KLRG1: variants seen among roughly 807,000 people sequenced by gnomAD.
KLRG1 encodes the protein killer cell lectin like receptor G1.
KLRG1 carries 16 observed loss-of-function variants against 21.8 expected under a neutral mutation model. The ratio of observed to expected loss-of-function variants is 0.73; its 90% confidence interval spans 0.50 to 1.11. The LOEUF (loss-of-function observed/expected upper bound fraction) is 1.11, where lower values mean the gene tolerates loss of function less well. KLRG1 is among the 50% of genes most tolerant of loss of function. The probability of loss-of-function intolerance (pLI) is 0.00; values close to 1 mark genes in which losing one functional copy is unlikely to be tolerated. For missense variants in KLRG1, 173 were observed against 218.3 expected (o/e 0.79, Z 1.31); for synonymous variants, 69 against 75.9 (o/e 0.91, Z 0.47).
At chr12:8,971,358 A>G (rs1471898410) in intron 1 of KLRG1, 1 of 150,886 alleles carries the variant, frequency 6.6e-6, no homozygotes, top group East Asian at 1.9e-4. Context: ...CTAACTTGTT[A>G]AATTTATTGA....
the KLRG1 span, among the ~76,000 whole-genome samples, chr12:9,024,692 G>T: frequency 6.6e-6 from 1 of 152,142 alleles, no homozygotes; most frequent in African/African-American, 2.4e-5. Flanking sequence ...CCCTCACAAG[G>T]CAGAGATAAG....
chr12:9,079,778 A>G, the KLRG1 span: 11 of 1,612,464 alleles, frequency 6.8e-6, no homozygotes, highest in Non-Finnish European at 9.3e-6. Context: ...TCTGGAGAAG[A>G]TTTTGTGTGT....
rs115120204 is a variant in KLRG1 at position 9,002,439 on chromosome 12, C to A, written c.358-6536C>A. On this transcript the variant is annotated intron_variant, in intron 3 of 4. Coordinates refer to ENST00000356986, the MANE Select transcript of KLRG1 (RefSeq NM_005810.4). ...TTGTTTGGGTTTTATCTTCACTTTGCTTTTAGGGTTTGCATTTTTTCTAAA... is the reference window on the plus strand; with the variant it reads ...TTGTTTGGGTTTTATCTTCACTTTGATTTTAGGGTTTGCATTTTTTCTAAA... 5.9e-3 allele frequency among the ~76,000 whole-genome samples: 903 copies of A among 152,244 alleles called. 13 individuals carry two copies. Among genetic ancestry groups the A allele is most frequent in the African/African-American group, 0.02 (827 of 41,550 alleles).
the KLRG1 span, chr12:9,196,511 T>C: frequency 7.0e-6 from 11 of 1,570,596 alleles, no homozygotes; most frequent in Non-Finnish European, 9.6e-6. Flanking sequence ...CAAATGACCT[T>C]TATTTTGTTA....
chr12:9,080,032 G>C, the KLRG1 span: 1 of 1,102,430 alleles, frequency 9.1e-7, no homozygotes, highest in Non-Finnish European at 1.3e-6. Flanking sequence ...ATATTTATGG[G>C]AAATAAAAAT....
chr12:8,961,903 T>C (rs1221267736), intron 1 of KLRG1, among the ~76,000 whole-genome samples: 4 of 151,994 alleles, frequency 2.6e-5, no homozygotes, highest in Non-Finnish European at 5.9e-5. Flanking sequence ...CTGGATAACA[T>C]AGGAAGACCT....
chr12:8,979,018 C>CT (rs751926947), intron 1 of KLRG1, among the ~76,000 whole-genome samples: 2,135 of 127,962 alleles, frequency 0.017, 45 homozygotes, highest in African/African-American at 0.043. Flanking sequence ...CCTGGCCTGT[C>CT]TTTTTTTTTT....
At chr12:9,031,756 G>A in the KLRG1 span, among the ~76,000 whole-genome samples, 7 of 152,104 alleles carry the variant, frequency 4.6e-5, no homozygotes, top group African/African-American at 7.2e-5. Flanking sequence ...CATTGGTTTC[G>A]CTCAGAAAGG....
chr12:9,197,481 A>G, the KLRG1 span, among the ~76,000 whole-genome samples: 3 of 129,194 alleles, frequency 2.3e-5, no homozygotes, highest in Non-Finnish European at 4.6e-5. Context: ...ATATAATAAT[A>G]TAATATATTA....
chr12:8,950,920 G>A (rs1946189599), intron 1 of KLRG1, among the ~76,000 whole-genome samples: 1 of 151,844 alleles, frequency 6.6e-6, no homozygotes. Flanking sequence ...CATAATCCAT[G>A]CTCTCAAGCA....
intron 1 of KLRG1, among the ~76,000 whole-genome samples, chr12:8,967,077 T>C (rs1946485658): frequency 6.7e-6 from 1 of 149,360 alleles, no homozygotes; most frequent in Non-Finnish European, 1.5e-5. Flanking sequence ...CAGCAAACTA[T>C]TGCAAGGACA....
At chr12:9,148,314 T>A in the KLRG1 span, among the ~76,000 whole-genome samples, 1 of 152,204 alleles carries the variant, frequency 6.6e-6, no homozygotes, top group Non-Finnish European at 1.5e-5. Context: ...AAATAATCTA[T>A]AGGATGCAGG....
At chr12:9,166,155 A>G in the KLRG1 span, 6 of 1,613,798 alleles carry the variant, frequency 3.7e-6, no homozygotes, top group African/African-American at 4.0e-5. Flanking sequence ...ATCACATTAT[A>G]TGTGCCTAAT....
At chr12:9,038,228 T>G in the KLRG1 span, among the ~76,000 whole-genome samples, 1 of 152,134 alleles carries the variant, frequency 6.6e-6, no homozygotes, top group African/African-American at 2.4e-5. Context: ...GCCACAGCAC[T>G]CCAGCCTGGG....
At chr12:8,984,897 G>T, upstream of KLRG1, among the ~76,000 whole-genome samples, 1 of 152,112 alleles carries the variant, frequency 6.6e-6, no homozygotes, top group Admixed American at 6.5e-5. Flanking sequence ...TTGAAGAAAA[G>T]TTTTATTGGG....
chr12:8,951,747 T>A (rs1565532898), intron 1 of KLRG1, among the ~76,000 whole-genome samples: 1 of 152,212 alleles, frequency 6.6e-6, no homozygotes, highest in Admixed American at 6.5e-5. Flanking sequence ...CTAGAATTGA[T>A]GTTCCTTTGT....
chr12:9,057,077 G>A, the KLRG1 span, among the ~76,000 whole-genome samples: 3 of 152,118 alleles, frequency 2.0e-5, no homozygotes, highest in African/African-American at 7.2e-5. Flanking sequence ...CAATATACAT[G>A]TATATTACAG....
the KLRG1 span, chr12:9,160,450 G>A: frequency 2.5e-6 from 4 of 1,613,954 alleles, no homozygotes; most frequent in South Asian, 4.4e-5. Flanking sequence ...GCATCTGGAG[G>A]AGATTTTGTA....
chr12:9,130,449 C>T, the KLRG1 span, among the ~76,000 whole-genome samples: 114 of 152,018 alleles, frequency 7.5e-4, no homozygotes, highest in African/African-American at 2.6e-3. Flanking sequence ...CCCATCCTTG[C>T]CAACACTTGT....
Sources: gnomAD v4.1 joint callset for allele counts (sites outside exome capture counted in the v4.1 genomes callset) on GRCh38, gnomAD v4.1.1 for gene constraint, MANE v1.5 for transcripts, NCBI Gene and HGNC (gene_info 2026-07-23, HGNC 2026-07-21) for gene names.